MOV10L1: variants seen among roughly 807,000 people sequenced by gnomAD.
MOV10L1 encodes RNA helicase Mov10l1.
A neutral mutation model predicts 143.8 loss-of-function variants in MOV10L1; 110 were observed. That is an observed-to-expected ratio of 0.76 (90% CI 0.66 to 0.90). The LOEUF (loss-of-function observed/expected upper bound fraction) is 0.90. Among genes scored for constraint, MOV10L1 ranks in the 40% least tolerant of loss-of-function variants. The pLI is 0.00. For missense variants in MOV10L1, 1,406 were observed against 1,526.8 expected, an observed-to-expected ratio of 0.92 and a Z score of 1.32; for synonymous variants, 593 against 581.1, an observed-to-expected ratio of 1.02 and a Z score of -0.29.
intron 12 of MOV10L1, 65 bp downstream of exon 12, chr22:50,126,337 C>T (rs1315509853): frequency 7.1e-6 from 9 of 1,259,076 alleles, no homozygotes; most frequent in Non-Finnish European, 9.2e-6. Context: ...GGAAAGGTAA[C>T]GTTCTCCCCA....
chr22:50,133,799 C>T (rs531856506), intron 13 of MOV10L1, among the ~76,000 whole-genome samples: 2 of 152,266 alleles, frequency 1.3e-5, no homozygotes, highest in African/African-American at 4.8e-5. Context: ...CCACCTCGGC[C>T]TCCCAAAGTG....
intron 22 of MOV10L1, among the ~76,000 whole-genome samples, chr22:50,157,802 C>T (rs1261067163): frequency 1.3e-5 from 2 of 151,560 alleles, no homozygotes; most frequent in Non-Finnish European, 2.9e-5. Flanking sequence ...ACCAGCCAGC[C>T]CTCCACTCCG....
At chr22:50,140,232 C>T (rs1405818795) in intron 15 of MOV10L1, among the ~76,000 whole-genome samples, 1 of 152,170 alleles carries the variant, frequency 6.6e-6, no homozygotes. Flanking sequence ...GTATGAAGTT[C>T]GAGAGCATGT....
At position 50,092,050 on chromosome 22, in the gene MOV10L1, C is replaced by G. The variant is rs1297655932; in HGVS notation, c.147C>G (p.Ser49Arg). The G allele has an allele frequency of 1.2e-6, 2 of 1,614,082 alleles. No individual in the cohort carries two copies. The highest frequency in any genetic ancestry group is 1.7e-6 in the Non-Finnish European group (2 of 1,180,014). ...TVRGVVTRYC[S>R]DYGMIDDMIY... is the part of the protein sequence containing the mutation. ...GGGGTGTCGTGACAAGGTACTGCAG[C>G]GATTATGGCATGATTGATGATATGA... Residue 49 changes from serine (S) to arginine (R), a missense_variant, in exon 2 of 27, where the codon AGC (serine) becomes AGG (arginine). Physicochemically the swap from Ser to Arg is moderately radical, Grantham distance 110 (BLOSUM62 -1). Coordinates refer to ENST00000262794, the MANE Select transcript of MOV10L1 (RefSeq NM_018995.3).
chr22:50,123,600 T>C (rs1191435994), intron 10 of MOV10L1, among the ~76,000 whole-genome samples: 2 of 152,244 alleles, frequency 1.3e-5, no homozygotes, highest in Non-Finnish European at 1.5e-5. Context: ...AGTGTTCATA[T>C]TGGTCTGTAG....
intron 4 of MOV10L1, 26 bp downstream of exon 4, chr22:50,108,274 T>C (rs760261413): frequency 1.3e-6 from 2 of 1,585,280 alleles, no homozygotes; most frequent in Non-Finnish European, 1.7e-6. Flanking sequence ...GTGGCTCCTC[T>C]CTGTGCTTCT....
intron 16 of MOV10L1, among the ~76,000 whole-genome samples, 156 bp downstream of exon 16, chr22:50,142,345 G>C (rs944616399): frequency 6.6e-6 from 1 of 152,186 alleles, no homozygotes; most frequent in Non-Finnish European, 1.5e-5. Flanking sequence ...CTGGAGACTT[G>C]GTGTTTTAGC....
intron 6 of MOV10L1, 124 bp downstream of exon 6, chr22:50,113,912 CTTTT>C (rs67071955): frequency 9.0e-3 from 2,342 of 261,368 alleles, no homozygotes; most frequent in Middle Eastern, 0.021. Flanking sequence ...AAGATCTTTT[CTTTT>C]TTTTTTTTTT....
At chr22:50,144,286 C>T in intron 18 of MOV10L1, 43 bp downstream of exon 18, 1 of 1,560,058 alleles carries the variant, frequency 6.4e-7, no homozygotes, top group Non-Finnish European at 8.7e-7. Context: ...AGAACCCCTC[C>T]CTGGAACATA....
At chr22:50,111,788 C>T (rs1033400181) in intron 5 of MOV10L1, among the ~76,000 whole-genome samples, 18 of 152,192 alleles carry the variant, frequency 1.2e-4, no homozygotes, top group African/African-American at 4.1e-4. Flanking sequence ...CAGGCGTGAG[C>T]CACCACGCCC....
At chr22:50,125,679 C>A (rs1278095139) in intron 11 of MOV10L1, 110 bp downstream of exon 11, 2 of 1,165,170 alleles carry the variant, frequency 1.7e-6, no homozygotes, top group Non-Finnish European at 2.4e-6. Context: ...CATTTTCTTT[C>A]TTTTGGGTTA....
At position 50,161,007 on chromosome 22, in the gene MOV10L1, G is replaced by GT; in HGVS notation, c.3507dup (p.Val1170CysfsTer48). ...TTGCTGGAATACAGTATTACAAACGGTGTTTACATGGGATGCGATTTACCT... is the reference window on the plus strand; with the variant it reads ...TTGCTGGAATACAGTATTACAAACGGTTGTTTACATGGGATGCGATTTACCT... On this transcript the variant is annotated frameshift_variant, in exon 26 of 27. Coordinates refer to ENST00000262794, the MANE Select transcript of MOV10L1 (RefSeq NM_018995.3). LOFTEE classifies it low-confidence loss of function (END_TRUNC). The GT allele has an allele frequency of 6.2e-7, 1 of 1,614,150 alleles. No individual in the cohort carries two copies. The highest frequency in any genetic ancestry group is 8.5e-7 in the Non-Finnish European group (1 of 1,180,028).
Position 50,126,343 on chromosome 22 carries a change from C to T in MOV10L1, c.1818+71C>T, listed in dbSNP as rs76956804. The T allele has an allele frequency of 5.8e-5, 67 of 1,164,308 alleles. 1 individual carries two copies. The East Asian group carries it at 1.6e-3, about 27-fold the overall frequency. The allele number at this position is 1,164,308 out of a possible 1,614,324, so 72.1% of individuals were successfully genotyped here. A position where few individuals can be genotyped will look rare whatever the true frequency, so the allele number is the denominator to read the frequency against. On this transcript the variant is annotated intron_variant, in intron 12 of 26. Coordinates refer to ENST00000262794, the MANE Select transcript of MOV10L1 (RefSeq NM_018995.3). ...TGACCGGTTGGAAAGGTAACGTTCT[C>T]CCCACGGCTCTTGGGGAGATGCTCC...
chr22:50,149,645 C>G lies in MOV10L1; in HGVS notation c.2658C>G (p.Asp886Glu), dbSNP rs1391923407. The change falls in exon 20 of 27, where the codon GAC (aspartate) becomes GAG (glutamate). Residue 886 changes from aspartate (D) to glutamate (E), a missense_variant. Around this residue, in one of 3 missense-constraint regions of MOV10L1, gnomAD observed 1,233 missense variants for 1,351.4 expected, o/e 0.91. Coordinates refer to ENST00000262794, the MANE Select transcript of MOV10L1 (RefSeq NM_018995.3). Reference protein sequence around the residue: ...RVGHFTHVFVDEAGQASEPEC... With the variant: ...RVGHFTHVFVEEAGQASEPEC... ...GGCACTTCACTCACGTGTTTGTGGACGAGGCTGGGCAGGCAAGTGAGCCGG... is the reference window on the plus strand; with the variant it reads ...GGCACTTCACTCACGTGTTTGTGGAGGAGGCTGGGCAGGCAAGTGAGCCGG... 3.7e-6 allele frequency: 6 copies of G among 1,614,018 alleles called. No homozygotes were observed. The highest frequency in any genetic ancestry group is 5.1e-6 in the Non-Finnish European group (6 of 1,180,004).
rs1293114146 is a variant in MOV10L1, at chr22:50,152,081, C to T, written c.2893-964C>T. 6.6e-6 allele frequency among the ~76,000 whole-genome samples: 1 copy of T among 152,218 alleles called. No individual in the cohort carries two copies. Among genetic ancestry groups the T allele is most frequent in the Admixed American group, 6.5e-5 (1 of 15,288 alleles). On this transcript the variant is annotated intron_variant, in intron 21 of 26. Coordinates refer to ENST00000262794, the MANE Select transcript of MOV10L1 (RefSeq NM_018995.3). The surrounding 1 kb of genome is among the most constrained non-coding windows in gnomAD (Gnocchi z 4.4). ...ACATTCTATTTAGGCTTGACAGAGT[C>T]GGGAGGACTCACGGGGCCAATCATG...
intron 22 of MOV10L1, 98 bp from the exon 23 acceptor site, chr22:50,157,959 T>A: frequency 7.2e-7 from 1 of 1,383,144 alleles, no homozygotes. Context: ...TTCTGTCATA[T>A]TCAGTGTGTA....
chr22:50,102,468 T>G (rs191417449), intron 3 of MOV10L1, among the ~76,000 whole-genome samples: 13 of 152,358 alleles, frequency 8.5e-5, no homozygotes, highest in Admixed American at 8.5e-4. Flanking sequence ...AATTTTTCAT[T>G]TGCTTGTGGG....
At chr22:50,111,739 A>C (rs575002502) in intron 5 of MOV10L1, among the ~76,000 whole-genome samples, 1 of 151,866 alleles carries the variant, frequency 6.6e-6, no homozygotes, top group African/African-American at 2.4e-5. Context: ...TCCTGACCTC[A>C]TGATCCGCCC....
chr22:50,155,637 G>A lies in MOV10L1; in HGVS notation c.3066+2419G>A, dbSNP rs543145932. ...ACCACAGGTGCCTGCCACCACGTCC[G>A]GCTAATTTTTGTATTTTTAGTAGAG... is the stretch of plus-strand genomic sequence containing the variant. On this transcript the variant is annotated intron_variant, in intron 22 of 26. Transcript: ENST00000262794. Among the ~76,000 whole-genome samples the A allele has an allele frequency of 2.0e-4, 31 of 152,178 alleles. No individual in the cohort carries two copies. The South Asian group carries it at 3.1e-3, about 15-fold the overall frequency.
Sources: allele counts gnomAD v4.1 joint callset (sites outside exome capture counted in the v4.1 genomes callset), GRCh38; gene constraint gnomAD v4.1.1; regional missense constraint gnomAD v4.1.1; non-coding constraint Gnocchi (gnomAD v3.1); transcripts MANE v1.5; gene names NCBI Gene and HGNC (gene_info 2026-07-23, HGNC 2026-07-21).